Variants in PSMB7 observed in about 807,000 individuals in gnomAD.
PSMB7 encodes the protein proteasome subunit beta type-7.
Under a neutral mutation model 28.1 loss-of-function variants are expected in PSMB7, and 5 were observed. The observed-to-expected ratio is 0.18, with a 90% CI of 0.09 to 0.37. The LOEUF (loss-of-function observed/expected upper bound fraction) is 0.37. Among genes scored for constraint, PSMB7 ranks in the 10% least tolerant of loss-of-function variants. The probability of loss-of-function intolerance (pLI) is 1.00; values close to 1 mark genes in which losing one functional copy is unlikely to be tolerated. For synonymous variants in PSMB7, 122 were observed against 123.7 expected (o/e 0.99, Z 0.09); for missense variants, 275 against 346.2 (o/e 0.79, Z 1.63).
chr9:124,402,847 A>G (rs1830925925), intron 5 of PSMB7, among the ~76,000 whole-genome samples: 1 of 152,262 alleles, frequency 6.6e-6, no homozygotes, highest in African/African-American at 2.4e-5. Context: ...GAACAATTCT[A>G]AAATTACCAT....
rs567415115 is a variant in PSMB7 at position 124,356,502 on chromosome 9, C to T, written c.722+262G>A. Among the ~76,000 whole-genome samples, 4 of 152,294 alleles carry T rather than the reference C, an allele frequency of 2.6e-5. No individual in the cohort carries two copies. Among genetic ancestry groups the T allele is most frequent in the East Asian group, 3.9e-4 (2 of 5,184 alleles). On this transcript the variant is annotated intron_variant, in intron 7 of 7. Transcript: ENST00000259457. This position sits in a 1 kb window ranked among gnomAD's most constrained non-coding sequence, Gnocchi z 4.4. ...GGACAGCAGATGATCCAAACCTCTC[C>T]GGCCCCACCTCCCAGCCTAGGGCTC...
chr9:124,394,017 T>TG (rs1200842524), intron 5 of PSMB7, among the ~76,000 whole-genome samples: 1 of 152,190 alleles, frequency 6.6e-6, no homozygotes, highest in African/African-American at 2.4e-5. Context: ...CGCAGGGCAG[T>TG]GGGAGCTGGC....
chr9:124,413,946 C>A lies in PSMB7; in HGVS notation c.216G>T (p.Lys72Asn), dbSNP rs771748426. The change falls in exon 3 of 8, where the codon AAG becomes AAT. Residue 72 changes from lysine (K) to asparagine (N), a missense_variant. Coordinates refer to ENST00000259457, the MANE Select transcript of PSMB7 (RefSeq NM_002799.4). ...RATEGMVVAD[K>N]NCSKIHFISP... The stretch of plus-strand genomic sequence containing the variant: ...ATATGAAGTGTATTTTTGAACAGTT[C>A]TTGTCAGCAACAACCATCCCTTCAG... 6.2e-7 allele frequency: 1 copy of A among 1,612,956 alleles called. No individual in the cohort carries two copies. Among genetic ancestry groups the A allele is most frequent in the Non-Finnish European group, 8.5e-7 (1 of 1,179,302 alleles).
At chr9:124,390,401 T>C (rs1830772250) in intron 5 of PSMB7, among the ~76,000 whole-genome samples, 1 of 152,122 alleles carries the variant, frequency 6.6e-6, no homozygotes, top group African/African-American at 2.4e-5. Flanking sequence ...TAAAAGATCA[T>C]TGTTTAGATT....
At chr9:124,401,963 G>A (rs191757698) in intron 5 of PSMB7, among the ~76,000 whole-genome samples, 35 of 150,622 alleles carry the variant, frequency 2.3e-4, no homozygotes, top group Non-Finnish European at 3.7e-4. Context: ...GGGTTGCAGC[G>A]AGCAGAGATC....
At chr9:124,361,596 T>C (rs1469676772) in intron 6 of PSMB7, among the ~76,000 whole-genome samples, 2 of 152,254 alleles carry the variant, frequency 1.3e-5, no homozygotes, top group Non-Finnish European at 2.9e-5. Context: ...CATTTAATAT[T>C]GGAGCTACTA....
intron 6 of PSMB7, among the ~76,000 whole-genome samples, chr9:124,359,083 TTTAAA>T (rs1830442664): frequency 2.6e-5 from 4 of 152,252 alleles, no homozygotes; most frequent in African/African-American, 9.6e-5. Context: ...CTGATAAAAC[TTTAAA>T]ATATGCAAAT....
At chr9:124,401,955 G>A (rs1320099002) in intron 5 of PSMB7, among the ~76,000 whole-genome samples, 1 of 151,338 alleles carries the variant, frequency 6.6e-6, no homozygotes, top group Admixed American at 6.6e-5. Flanking sequence ...GGAAGCAGGG[G>A]TTGCAGCGAG....
chr9:124,389,394 C>T (rs1781435470), intron 5 of PSMB7, among the ~76,000 whole-genome samples: 1 of 152,116 alleles, frequency 6.6e-6, no homozygotes, highest in South Asian at 2.1e-4. Context: ...TACTGAGTAC[C>T]CAGTACTGCT....
chr9:124,406,616 G>C (rs1588582639), intron 4 of PSMB7, among the ~76,000 whole-genome samples: 1 of 150,170 alleles, frequency 6.7e-6, no homozygotes, highest in African/African-American at 2.4e-5. Context: ...ATATGAACTC[G>C]TATCAAAAAA....
At chr9:124,364,893 C>T (rs10119911) in intron 6 of PSMB7, among the ~76,000 whole-genome samples, 62,015 of 151,972 alleles carry the variant, frequency 0.41, 12,986 homozygotes, top group African/African-American at 0.46. Flanking sequence ...CCTCCAACAT[C>T]TGGATAGGAC....
At chr9:124,411,661 C>T (rs919166294) in intron 4 of PSMB7, among the ~76,000 whole-genome samples, 3 of 152,186 alleles carry the variant, frequency 2.0e-5, no homozygotes, top group African/African-American at 4.8e-5. Context: ...AAAGTAATGA[C>T]GCAATTATTA....
chr9:124,355,208 G>C (rs1240110121), intron 7 of PSMB7, among the ~76,000 whole-genome samples: 1 of 152,258 alleles, frequency 6.6e-6, no homozygotes, highest in African/African-American at 2.4e-5. Flanking sequence ...GCTCCCTGCA[G>C]GTTACTGCAC....
chr9:124,403,292 G>C (rs1485849461), intron 5 of PSMB7, among the ~76,000 whole-genome samples: 1 of 151,548 alleles, frequency 6.6e-6, no homozygotes, highest in Non-Finnish European at 1.5e-5. Flanking sequence ...TGGGAGGCTG[G>C]AGCAGGCAGA....
At chr9:124,357,733 A>G (rs929467205) in intron 6 of PSMB7, among the ~76,000 whole-genome samples, 1 of 152,208 alleles carries the variant, frequency 6.6e-6, no homozygotes, top group Non-Finnish European at 1.5e-5. Context: ...ACCAGAAGCT[A>G]GGGCTGCAGA....
At chr9:124,361,693 T>C (rs1353485903) in intron 6 of PSMB7, among the ~76,000 whole-genome samples, 1 of 152,238 alleles carries the variant, frequency 6.6e-6, no homozygotes, top group African/African-American at 2.4e-5. Flanking sequence ...TGCTGAGATT[T>C]AGAGAATGAG....
intron 7 of PSMB7, among the ~76,000 whole-genome samples, chr9:124,355,209 G>A (rs1316514621): frequency 6.6e-6 from 1 of 152,234 alleles, no homozygotes; most frequent in Non-Finnish European, 1.5e-5. Context: ...CTCCCTGCAG[G>A]TTACTGCACA....
At chr9:124,415,108 C>A in intron 1 of PSMB7, 173 bp from the exon 2 acceptor site, 1 of 631,688 alleles carries the variant, frequency 1.6e-6, no homozygotes, top group Non-Finnish European at 2.7e-6. Context: ...CGAAGACAGT[C>A]TTACAAAGGG....
At chr9:124,398,856 TCTAA>T (rs1830868873) in intron 5 of PSMB7, among the ~76,000 whole-genome samples, 1 of 152,182 alleles carries the variant, frequency 6.6e-6, no homozygotes, top group Non-Finnish European at 1.5e-5. Context: ...GCTAAATCTC[TCTAA>T]CTTTCAGGTT....
Sources: gnomAD v4.1 joint callset for allele counts (sites outside exome capture counted in the v4.1 genomes callset) on GRCh38, gnomAD v4.1.1 for gene constraint, Gnocchi (gnomAD v3.1) non-coding constraint, MANE v1.5 for transcripts, NCBI Gene and HGNC (gene_info 2026-07-23, HGNC 2026-07-21) for gene names.